Variants in GABRA1 observed in about 807,000 individuals in gnomAD.
The protein encoded by GABRA1 is gamma-aminobutyric acid type A receptor subunit alpha1, also known as gamma-aminobutyric acid receptor subunit alpha-1.
GABRA1 carries 9 observed loss-of-function variants against 48.9 expected under a neutral mutation model. That is an observed-to-expected ratio of 0.18 (90% CI 0.11 to 0.32). The LOEUF (loss-of-function observed/expected upper bound fraction) is 0.32, where lower values mean the gene tolerates loss of function less well. GABRA1 is among the 10% of genes least tolerant of loss of function. The pLI, the probability that GABRA1 is intolerant of heterozygous loss-of-function variation, is 1.00. For missense variants in GABRA1, 285 were observed against 553.8 expected (o/e 0.51, Z 4.87); for synonymous variants, 210 against 198.7 (o/e 1.06, Z -0.48).
intron 5 of GABRA1, 36 bp from the exon 6 acceptor site, chr5:161,875,524 A>T: frequency 6.6e-7 from 1 of 1,510,902 alleles, no homozygotes; most frequent in South Asian, 1.1e-5. Flanking sequence ...TATCTAATCT[A>T]TATGGCTCTT....
Position 161,850,422 on chromosome 5 carries a change from C to T in GABRA1, c.-15-374C>T, listed in dbSNP as rs1162614627. On this transcript the variant is annotated intron_variant, in intron 1 of 9. Coordinates refer to ENST00000393943, the MANE Select transcript of GABRA1 (RefSeq NM_001127644.2). ...TTTAATGCACAGTTCACTGTGGAAACTGAAATCTTAAAAGTCCAAATATTT... is the reference window on the plus strand; with the variant it reads ...TTTAATGCACAGTTCACTGTGGAAATTGAAATCTTAAAAGTCCAAATATTT... 9.0e-6 allele frequency: 4 copies of T among 442,274 alleles called. No homozygotes were observed. In the East Asian group the frequency reaches 9.9e-5, roughly 11 times the overall value. The allele number at this position is 442,274 out of a possible 1,614,324, so 27.4% of individuals were successfully genotyped here. A position where few individuals can be genotyped will look rare whatever the true frequency, so the allele number is the denominator to read the frequency against.
intron 8 of GABRA1, among the ~76,000 whole-genome samples, chr5:161,892,828 C>T (rs1020873433): frequency 1.3e-5 from 2 of 151,832 alleles, no homozygotes; most frequent in African/African-American, 4.8e-5. Flanking sequence ...CATGGTGAAA[C>T]CCCGTCTCTA....
intron 3 of GABRA1, among the ~76,000 whole-genome samples, chr5:161,862,308 C>T (rs1276059000): frequency 2.0e-5 from 3 of 151,810 alleles, no homozygotes; most frequent in Non-Finnish European, 4.4e-5. Context: ...TTCAGCATCA[C>T]CAGGATCCAG....
intron 6 of GABRA1, among the ~76,000 whole-genome samples, chr5:161,877,416 G>GAT (rs1754408639): frequency 6.6e-6 from 1 of 152,144 alleles, no homozygotes; most frequent in Non-Finnish European, 1.5e-5. Context: ...ATAGATTTCT[G>GAT]ATTGGTTCAG....
chr5:161,878,631 G>T (rs1041285870), intron 6 of GABRA1, among the ~76,000 whole-genome samples: 9 of 152,090 alleles, frequency 5.9e-5, no homozygotes, highest in Non-Finnish European at 7.4e-5. Context: ...GATTGTTAAG[G>T]CTAACTTAAA....
At chr5:161,871,282 C>T (rs1754110822) in intron 4 of GABRA1, among the ~76,000 whole-genome samples, 3 of 152,126 alleles carry the variant, frequency 2.0e-5, no homozygotes, top group East Asian at 1.9e-4. Context: ...TTCATGGGAA[C>T]GTGGTCACCT....
rs898363462 is a variant in GABRA1 at position 161,898,647 on chromosome 5, T to G, written c.*1225T>G. The G allele has an allele frequency of 6.6e-6, 1 of 152,468 alleles. No individual in the cohort carries two copies. The highest frequency in any genetic ancestry group is 1.5e-5 in the Non-Finnish European group (1 of 68,000). The allele number at this position is 152,468 out of a possible 1,614,324, so 9.4% of individuals were successfully genotyped here. On this transcript the variant is annotated 3_prime_UTR_variant, in exon 10 of 10. Transcript: ENST00000393943. ...TAGACAAAACTTATAATTTCCAAAC[T>G]GTTGTCTAGTATACAGTGATCAGTT...
chr5:161,895,574 GT>G, intron 8 of GABRA1, 91 bp from the exon 9 acceptor site: 1 of 1,156,616 alleles, frequency 8.6e-7, no homozygotes, highest in East Asian at 2.5e-5. Context: ...TCATGATACT[GT>G]TGATTTCCTT....
chr5:161,859,258 C>T (rs1158499591), intron 3 of GABRA1, among the ~76,000 whole-genome samples: 1 of 151,648 alleles, frequency 6.6e-6, no homozygotes, highest in Non-Finnish European at 1.5e-5. Flanking sequence ...TTTCTCCTTA[C>T]CATCATATTT....
intron 4 of GABRA1, among the ~76,000 whole-genome samples, chr5:161,869,609 TAA>T (rs1487623213): frequency 1.3e-5 from 2 of 152,274 alleles, no homozygotes; most frequent in East Asian, 1.9e-4. Flanking sequence ...TAAAATGTAT[TAA>T]GTCAAAATAC....
At chr5:161,870,292 T>C (rs1026175649) in intron 4 of GABRA1, among the ~76,000 whole-genome samples, 1 of 152,118 alleles carries the variant, frequency 6.6e-6, no homozygotes, top group African/African-American at 2.4e-5. Flanking sequence ...CCAGGCACAG[T>C]GGATCACTCC....
intron 3 of GABRA1, among the ~76,000 whole-genome samples, chr5:161,863,501 A>T (rs935051821): frequency 2.0e-5 from 3 of 152,000 alleles, no homozygotes; most frequent in Admixed American, 1.3e-4. Context: ...TCTCAGGTGA[A>T]CTCAGAGATA....
rs534737930 is a variant in GABRA1, at chr5:161,898,771, A to C, written c.*1349A>C. Reference sequence around the variant, plus strand: ...TAGTTGGAGCTAGAAAATGAACTGTATATTATTGCTATATTTGCTAATACC... The same window carrying C: ...TAGTTGGAGCTAGAAAATGAACTGTCTATTATTGCTATATTTGCTAATACC... On this transcript the variant is annotated 3_prime_UTR_variant, in exon 10 of 10. Transcript: ENST00000393943. 7.2e-5 allele frequency: 11 copies of C among 152,712 alleles called. No individual in the cohort carries two copies. The highest frequency in any genetic ancestry group is 7.2e-4 in the Admixed American group (11 of 15,288). 9.5% of individuals were successfully genotyped at this position (152,712 alleles called of 1,614,324 possible). A position where few individuals can be genotyped will look rare whatever the true frequency, so the allele number is the denominator to read the frequency against.
rs1201566574 is a variant in GABRA1 at position 161,899,852 on chromosome 5, T to C, written c.*2430T>C. 2.0e-5 allele frequency: 3 copies of C among 152,342 alleles called. No individual in the cohort carries two copies. The highest frequency in any genetic ancestry group is 2.1e-4 in the South Asian group (1 of 4,826). 9.4% of individuals were successfully genotyped at this position (152,342 alleles called of 1,614,324 possible). A position where few individuals can be genotyped will look rare whatever the true frequency, so the allele number is the denominator to read the frequency against. On this transcript the variant is annotated 3_prime_UTR_variant, in exon 10 of 10. Coordinates refer to ENST00000393943, the MANE Select transcript of GABRA1 (RefSeq NM_001127644.2). ...ACCTAACATGAATCAAGGTTGTTTA[T>C]GGCAGATGCATGTGTTGCTTTACAG...
At chr5:161,867,265 AC>A (rs1753908984) in intron 4 of GABRA1, among the ~76,000 whole-genome samples, 1 of 152,148 alleles carries the variant, frequency 6.6e-6, no homozygotes, top group Non-Finnish European at 1.5e-5. Flanking sequence ...CTCTCATGGT[AC>A]TTTTATAGTT....
At position 161,886,466 on chromosome 5, in the gene GABRA1, A is replaced by G. The variant is rs1754853320; in HGVS notation, c.703+3765A>G. 1.3e-5 allele frequency among the ~76,000 whole-genome samples: 2 copies of G among 151,938 alleles called. 1 individual carries two copies. The highest frequency in any genetic ancestry group is 1.3e-4 in the Admixed American group (2 of 15,214). ...AAAATGTATGCAGTAAGTGTCCGAT[A>G]TTACTATTAATAATAAGAGTAGGCC... On this transcript the variant is annotated intron_variant, in intron 7 of 9. Coordinates refer to ENST00000393943, the MANE Select transcript of GABRA1 (RefSeq NM_001127644.2).
chr5:161,876,210 T>G (rs139183298), intron 6 of GABRA1, among the ~76,000 whole-genome samples: 1 of 152,102 alleles, frequency 6.6e-6, no homozygotes, highest in Non-Finnish European at 1.5e-5. Context: ...TTAGTGCTCT[T>G]GAAAGTATCC....
chr5:161,894,444 T>C (rs573825355), intron 8 of GABRA1, among the ~76,000 whole-genome samples: 1 of 152,254 alleles, frequency 6.6e-6, no homozygotes, highest in South Asian at 2.1e-4. Context: ...AAAAATGTCC[T>C]TCTCCTAGAA....
At chr5:161,849,266 T>G (rs1757345777) in intron 1 of GABRA1, among the ~76,000 whole-genome samples, 1 of 152,204 alleles carries the variant, frequency 6.6e-6, no homozygotes, top group Admixed American at 6.5e-5. Context: ...CATTCAGATA[T>G]TCAATCTTTT....
Sources: gnomAD v4.1 joint callset for allele counts (sites outside exome capture counted in the v4.1 genomes callset) on GRCh38, gnomAD v4.1.1 for gene constraint, MANE v1.5 for transcripts, NCBI Gene and HGNC (gene_info 2026-07-23, HGNC 2026-07-21) for gene names.